The following RFC1 variants were observed in gnomAD, a reference collection of about 807,000 sequenced individuals.
RFC1 encodes replication factor C subunit 1.
A neutral mutation model predicts 137.4 loss-of-function variants in RFC1; 37 were observed. The ratio of observed to expected loss-of-function variants is 0.27; its 90% CI spans 0.21 to 0.35. The LOEUF is 0.35. RFC1 is among the 10% of genes least tolerant of loss of function. The pLI, the probability that RFC1 is intolerant of heterozygous loss-of-function variation, is 1.00. For missense variants in RFC1, 1,205 were observed against 1,358.5 expected, an observed-to-expected ratio of 0.89 and a Z score of 1.78; for synonymous variants, 429 against 455.7, an observed-to-expected ratio of 0.94 and a Z score of 0.75.
intron 10 of RFC1, among the ~76,000 whole-genome samples, chr4:39,315,487 C>CA (rs1739193927): frequency 6.6e-6 from 1 of 152,216 alleles, no homozygotes; most frequent in African/African-American, 2.4e-5. Context: ...CAAGAATGCC[C>CA]AAGTTTGTCC....
chr4:39,302,912 A>T (rs931458678), intron 16 of RFC1, 38 bp from the exon 17 acceptor site: 10 of 1,554,902 alleles, frequency 6.4e-6, no homozygotes, highest in African/African-American at 1.4e-5. Context: ...TAATTATTTT[A>T]AAAATGACAA....
chr4:39,313,245 G>GT (rs1166079883), intron 10 of RFC1, among the ~76,000 whole-genome samples: 5 of 152,104 alleles, frequency 3.3e-5, no homozygotes, highest in Non-Finnish European at 2.9e-5. Flanking sequence ...TAAACTACTA[G>GT]TTAACTTGCA....
chr4:39,338,208 G>T (rs1298303923), intron 4 of RFC1, among the ~76,000 whole-genome samples: 2 of 152,086 alleles, frequency 1.3e-5, no homozygotes, highest in Non-Finnish European at 2.9e-5. Flanking sequence ...AATTAATGTG[G>T]TTAAATTAGT....
chr4:39,311,651 C>G, intron 11 of RFC1, 102 bp from the exon 12 acceptor site: 1 of 678,298 alleles, frequency 1.5e-6, no homozygotes, highest in Non-Finnish European at 2.4e-6. Flanking sequence ...AGGTGAAAAA[C>G]CACATTCGTA....
chr4:39,359,476 A>G (rs1741640575), intron 1 of RFC1, among the ~76,000 whole-genome samples: 1 of 152,216 alleles, frequency 6.6e-6, no homozygotes, highest in South Asian at 2.1e-4. Flanking sequence ...AAAACCAAAC[A>G]TTGTATATTC....
chr4:39,342,233 G>A, intron 4 of RFC1, 112 bp downstream of exon 4: 1 of 1,249,812 alleles, frequency 8.0e-7, no homozygotes, highest in African/African-American at 1.5e-5. Flanking sequence ...ACTCAACAAA[G>A]CAAAAAGGCA....
intron 1 of RFC1, among the ~76,000 whole-genome samples, chr4:39,359,084 CCACCATT>C (rs1741622897): frequency 6.6e-6 from 1 of 152,176 alleles, no homozygotes; most frequent in Non-Finnish European, 1.5e-5. Flanking sequence ...ATGCATAGCA[CCACCATT>C]CACCCAAAAC....
chr4:39,314,100 C>G (rs1739115421), intron 10 of RFC1, among the ~76,000 whole-genome samples: 1 of 152,134 alleles, frequency 6.6e-6, no homozygotes, highest in Non-Finnish European at 1.5e-5. Context: ...AACCAAAATT[C>G]AAAGACTGCC....
chr4:39,289,019 C>T (rs897555740), intron 24 of RFC1, among the ~76,000 whole-genome samples, 175 bp from the exon 25 acceptor site: 4 of 151,700 alleles, frequency 2.6e-5, no homozygotes, highest in East Asian at 3.8e-4. Context: ...GCAACAACTG[C>T]GCCACTTACA....
At chr4:39,327,875 T>C in intron 4 of RFC1, 119 bp from the exon 5 acceptor site, 1 of 761,542 alleles carries the variant, frequency 1.3e-6, no homozygotes, top group Non-Finnish European at 2.1e-6. Flanking sequence ...CTCATGCTTG[T>C]AATCCCAGCA....
chr4:39,366,130 C>G (rs1742015126), intron 1 of RFC1, 109 bp downstream of exon 1: 1 of 1,247,108 alleles, frequency 8.0e-7, no homozygotes, highest in Non-Finnish European at 1.1e-6. Flanking sequence ...GCCTCCGGAA[C>G]CACCCACCGC....
intron 4 of RFC1, among the ~76,000 whole-genome samples, chr4:39,330,121 AT>A (rs1740024792): frequency 1.3e-5 from 2 of 152,130 alleles, no homozygotes; most frequent in South Asian, 4.2e-4. Context: ...TCAATTTGGT[AT>A]GCAAAGCCAC....
At chr4:39,331,433 T>C (rs982854235) in intron 4 of RFC1, among the ~76,000 whole-genome samples, 1 of 152,044 alleles carries the variant, frequency 6.6e-6, no homozygotes, top group Admixed American at 6.6e-5. Context: ...GTGGGTGAGA[T>C]CAACTACTAT....
intron 21 of RFC1, among the ~76,000 whole-genome samples, chr4:39,296,715 A>G (rs1307007701): frequency 2.6e-5 from 4 of 151,164 alleles, no homozygotes; most frequent in Non-Finnish European, 5.9e-5. Flanking sequence ...ATAAACATAC[A>G]TGTGCATGTG....
chr4:39,317,584 C>A (rs1286593437), intron 9 of RFC1, among the ~76,000 whole-genome samples: 1 of 152,158 alleles, frequency 6.6e-6, no homozygotes, highest in African/African-American at 2.4e-5. Flanking sequence ...CATCTCCTCC[C>A]ATTCTACTTC....
At position 39,319,749 on chromosome 4, in the gene RFC1, A is replaced by G. The variant is rs773656363; in HGVS notation, c.1095+634T>C. ...CTGAAACCACAGACAGTACCAAACT[A>G]TATATATACTTACATGTACTGTTTT... On this transcript the variant is annotated intron_variant, in intron 9 of 24. Coordinates refer to ENST00000349703, the MANE Select transcript of RFC1 (RefSeq NM_002913.5). Among the ~76,000 whole-genome samples, 99 of 152,194 alleles carry G rather than the reference A, an allele frequency of 6.5e-4. 1 individual carries two copies. The highest frequency in any genetic ancestry group is 4.6e-4 in the Non-Finnish European group (31 of 67,998).
chr4:39,293,775 A>T (rs1045652603), intron 22 of RFC1, among the ~76,000 whole-genome samples: 1 of 152,168 alleles, frequency 6.6e-6, no homozygotes, highest in African/African-American at 2.4e-5. Context: ...CATGGAGTCT[A>T]GCGGGAGCAT....
Position 39,326,699 on chromosome 4 carries a change from C to G in RFC1, c.565-59G>C. On this transcript the variant is annotated intron_variant, in intron 5 of 24. Transcript: ENST00000349703. ...TAAACCTTAAGTTAAAAATAAGGCACTTTTTCTTGACTGTTGCTGATTAAA... is the reference window on the plus strand; with the variant it reads ...TAAACCTTAAGTTAAAAATAAGGCAGTTTTTCTTGACTGTTGCTGATTAAA... 4 of 1,358,200 alleles carry G rather than the reference C, an allele frequency of 2.9e-6. No homozygotes were observed. In the South Asian group the frequency reaches 4.8e-5, roughly 16 times the overall value. The allele number at this position is 1,358,200 out of a possible 1,614,324, so 84.1% of individuals were successfully genotyped here.
chr4:39,316,493 C>G (rs1406769262), intron 10 of RFC1, among the ~76,000 whole-genome samples: 1 of 152,148 alleles, frequency 6.6e-6, no homozygotes, highest in Non-Finnish European at 1.5e-5. Context: ...CTTCAAGTCT[C>G]CATTTAAATG....
Sources: gnomAD v4.1 joint callset for allele counts (sites outside exome capture counted in the v4.1 genomes callset) on GRCh38, gnomAD v4.1.1 for gene constraint, MANE v1.5 for transcripts, NCBI Gene and HGNC (gene_info 2026-07-23, HGNC 2026-07-21) for gene names.